The following FRMD5 variants were observed in gnomAD, a reference collection of about 807,000 sequenced individuals.
The protein encoded by FRMD5 is FERM domain containing 5, also known as FERM domain-containing protein 5.
FRMD5 carries 20 observed loss-of-function variants against 69.0 expected under a neutral mutation model. The observed-to-expected ratio is 0.29, with a 90% CI of 0.20 to 0.42. The LOEUF is 0.42. Ranked by LOEUF, FRMD5 falls within the 10% of genes least tolerant of loss-of-function variation. The pLI, the probability that FRMD5 is intolerant of heterozygous loss-of-function variation, is 1.00. For synonymous variants in FRMD5, 271 were observed against 260.1 expected, an observed-to-expected ratio of 1.04 and a Z score of -0.40; for missense variants, 595 against 708.6, an observed-to-expected ratio of 0.84 and a Z score of 1.82.
intron 1 of FRMD5, among the ~76,000 whole-genome samples, chr15:44,173,673 G>C (rs2077843746): frequency 6.6e-6 from 1 of 151,914 alleles, no homozygotes; most frequent in African/African-American, 2.4e-5. Context: ...ATCATGCCTG[G>C]CTAATTTTTT....
chr15:44,004,609 A>C (rs1228377790), intron 1 of FRMD5, among the ~76,000 whole-genome samples: 2 of 152,194 alleles, frequency 1.3e-5, no homozygotes, highest in African/African-American at 4.8e-5. Context: ...AAACTTAACA[A>C]ATGTTTTATG....
intron 1 of FRMD5, among the ~76,000 whole-genome samples, chr15:44,105,507 A>G (rs1222948406): frequency 6.6e-6 from 1 of 152,140 alleles, no homozygotes; most frequent in East Asian, 1.9e-4. Context: ...TGGGAAATAC[A>G]TTTCTGTTCT....
At position 43,874,151 on chromosome 15, in the gene FRMD5, A is replaced by G. The variant is rs2140327879; in HGVS notation, c.1447T>C (p.Cys483Arg). 2 of 1,614,220 alleles carry G rather than the reference A, an allele frequency of 1.2e-6. No individual in the cohort carries two copies. Among genetic ancestry groups the G allele is most frequent in the Non-Finnish European group, 8.5e-7 (1 of 1,180,038 alleles). Reference sequence around the variant, plus strand: ...TCCTCGGGCCCGCTGTGCCCCTGACACAGGGCCCTCAGCTCTCCCCCAAGG... The same window carrying G: ...TCCTCGGGCCCGCTGTGCCCCTGACGCAGGGCCCTCAGCTCTCCCCCAAGG... ...EALGGELRAL[C>R]QGHSGPEEEQ... The change falls in exon 14 of 14, where the codon TGT (cysteine) becomes CGT (arginine). Residue 483 changes from cysteine to arginine, a missense_variant. Coordinates refer to ENST00000417257, the MANE Select transcript of FRMD5 (RefSeq NM_032892.5).
At chr15:43,910,838 C>T (rs2089275380) in intron 4 of FRMD5, among the ~76,000 whole-genome samples, 1 of 152,138 alleles carries the variant, frequency 6.6e-6, no homozygotes, top group Admixed American at 6.5e-5. Context: ...TGTTATTATC[C>T]CCATTATTAC....
intron 1 of FRMD5, among the ~76,000 whole-genome samples, chr15:43,992,446 T>C (rs1267899650): frequency 6.6e-6 from 1 of 151,648 alleles, no homozygotes; most frequent in Non-Finnish European, 1.5e-5. Context: ...TGGTGCGATA[T>C]CAGCTCACTG....
At chr15:43,965,745 C>G (rs1595567982) in intron 1 of FRMD5, among the ~76,000 whole-genome samples, 1 of 152,068 alleles carries the variant, frequency 6.6e-6, no homozygotes, top group African/African-American at 2.4e-5. Flanking sequence ...CCACACCCAG[C>G]TAATTTTGTA....
chr15:43,884,739 G>T lies in FRMD5; in HGVS notation c.1016C>A (p.Pro339Gln). 6.2e-7 allele frequency: 1 copy of T among 1,613,926 alleles called. No individual in the cohort carries two copies. Among genetic ancestry groups the T allele is most frequent in the Non-Finnish European group, 8.5e-7 (1 of 1,179,850 alleles). Residue 339 changes from proline (P) to glutamine (Q), a missense_variant, in exon 12 of 14, where the codon CCG becomes CAG. Physicochemically the swap from Pro to Gln is moderately conservative, Grantham distance 76 (BLOSUM62 -1). Coordinates refer to ENST00000417257, the MANE Select transcript of FRMD5 (RefSeq NM_032892.5). ...CCTGGCAGCCTACCTGTGTATTTCC[G>T]GTGGCTCCCGTTTGATCTTAGCACT... ...ESSAKIKREP[P>Q]EIHRAGMVPS... is the part of the protein sequence containing the mutation.
intron 1 of FRMD5, among the ~76,000 whole-genome samples, chr15:43,998,236 T>C (rs1044498537): frequency 7.2e-5 from 11 of 152,174 alleles, no homozygotes; most frequent in Admixed American, 6.5e-4. Flanking sequence ...AATGAGATAA[T>C]AGATACATAA....
intron 1 of FRMD5, among the ~76,000 whole-genome samples, chr15:43,944,981 G>C (rs1273057506): frequency 6.7e-6 from 1 of 149,546 alleles, no homozygotes; most frequent in Non-Finnish European, 1.5e-5. Context: ...ATAGAGGGGG[G>C]GTTTCACCAT....
chr15:44,081,725 G>A (rs1185626720), intron 1 of FRMD5, among the ~76,000 whole-genome samples: 1 of 151,660 alleles, frequency 6.6e-6, no homozygotes, highest in Non-Finnish European at 1.5e-5. Context: ...CTGCATTTTG[G>A]GGCCATAAAT....
chr15:43,920,126 T>C (rs934767533), intron 2 of FRMD5, among the ~76,000 whole-genome samples: 5 of 152,210 alleles, frequency 3.3e-5, no homozygotes, highest in Non-Finnish European at 5.9e-5. Context: ...AGCGACTGCA[T>C]GTATGTGTGG....
intron 1 of FRMD5, among the ~76,000 whole-genome samples, chr15:44,123,899 T>C (rs763084307): frequency 2.2e-4 from 34 of 152,234 alleles, no homozygotes; most frequent in Non-Finnish European, 8.8e-5. Context: ...GCTATATTTC[T>C]ACTTAGTGAC....
chr15:44,041,951 A>G (rs1428613103), intron 1 of FRMD5, among the ~76,000 whole-genome samples: 5 of 152,218 alleles, frequency 3.3e-5, no homozygotes, highest in African/African-American at 4.8e-5. Context: ...TGAGGGAGAT[A>G]GAGACATGAA....
chr15:43,889,151 G>T (rs962998867), intron 8 of FRMD5, among the ~76,000 whole-genome samples: 1 of 152,204 alleles, frequency 6.6e-6, no homozygotes, highest in East Asian at 1.9e-4. Flanking sequence ...CATTTGCATG[G>T]AAAGTGAGTC....
intron 1 of FRMD5, among the ~76,000 whole-genome samples, chr15:44,060,367 G>A (rs899002665): frequency 6.6e-5 from 10 of 152,174 alleles, no homozygotes; most frequent in Non-Finnish European, 1.0e-4. Flanking sequence ...GCCCAGGGGA[G>A]AAGGGGCTGT....
chr15:44,118,649 CA>C (rs2076903755), intron 1 of FRMD5, among the ~76,000 whole-genome samples: 1 of 152,204 alleles, frequency 6.6e-6, no homozygotes, highest in Admixed American at 6.5e-5. Flanking sequence ...AATTCCAATT[CA>C]AACTCAAGCC....
intron 1 of FRMD5, chr15:44,194,153 A>G (rs1269264592): frequency 6.6e-6 from 1 of 152,256 alleles, no homozygotes; most frequent in African/African-American, 2.4e-5. Context: ...GCAGTAGCGA[A>G]GGAACATGAG....
intron 1 of FRMD5, among the ~76,000 whole-genome samples, chr15:44,095,731 G>A (rs1357928327): frequency 6.6e-6 from 1 of 152,012 alleles, no homozygotes; most frequent in Non-Finnish European, 1.5e-5. Flanking sequence ...TTCCCTCCTG[G>A]CATGGCCAAC....
intron 1 of FRMD5, among the ~76,000 whole-genome samples, chr15:43,937,965 C>T (rs2089790165): frequency 6.6e-6 from 1 of 152,056 alleles, no homozygotes; most frequent in African/African-American, 2.4e-5. Flanking sequence ...ACTACCATTT[C>T]TTAAGAGCCT....
Sources: gnomAD v4.1 joint callset for allele counts (sites outside exome capture counted in the v4.1 genomes callset) on GRCh38, gnomAD v4.1.1 for gene constraint, MANE v1.5 for transcripts, NCBI Gene and HGNC (gene_info 2026-07-23, HGNC 2026-07-21) for gene names.